Variants in HLCS observed in about 807,000 individuals in gnomAD.
HLCS encodes the protein holocarboxylase synthetase.
Under a neutral mutation model 75.0 loss-of-function variants are expected in HLCS, and 53 were observed. The ratio of observed to expected loss-of-function variants is 0.71; its 90% CI spans 0.57 to 0.89. HLCS has a LOEUF of 0.89. HLCS is among the 40% of genes least tolerant of loss of function. The pLI, the probability that HLCS is intolerant of heterozygous loss-of-function variation, is 0.00. For synonymous variants in HLCS, 431 were observed against 428.6 expected (o/e 1.01, Z -0.07); for missense variants, 966 against 1,074.0 (o/e 0.90, Z 1.41).
At chr21:36,858,689 G>A (rs976520582) in intron 6 of HLCS, among the ~76,000 whole-genome samples, 2 of 152,174 alleles carry the variant, frequency 1.3e-5, no homozygotes, top group Non-Finnish European at 1.5e-5. Context: ...GCAGTGAGGT[G>A]GTGGCTGCTG....
chr21:36,854,680 A>C (rs2063125718), intron 6 of HLCS, among the ~76,000 whole-genome samples: 1 of 152,016 alleles, frequency 6.6e-6, no homozygotes, highest in African/African-American at 2.4e-5. Flanking sequence ...TCAGAACTCT[A>C]TTTTTCTGGT....
intron 1 of HLCS, among the ~76,000 whole-genome samples, chr21:36,972,483 G>A (rs1392844992): frequency 1.3e-5 from 2 of 152,114 alleles, no homozygotes; most frequent in Non-Finnish European, 2.9e-5. Context: ...TTGACAGAAT[G>A]ACAATAAGTA....
chr21:36,800,999 T>C (rs1261998395), intron 6 of HLCS, among the ~76,000 whole-genome samples: 1 of 152,172 alleles, frequency 6.6e-6, no homozygotes, highest in Non-Finnish European at 1.5e-5. Flanking sequence ...GGCTGTGATA[T>C]GTAGCTGTGT....
intron 6 of HLCS, among the ~76,000 whole-genome samples, chr21:36,885,116 A>C (rs2064391703): frequency 6.6e-6 from 1 of 152,262 alleles, no homozygotes; most frequent in African/African-American, 2.4e-5. Context: ...AAGTTGGACT[A>C]AAATATTTTT....
intron 6 of HLCS, among the ~76,000 whole-genome samples, chr21:36,771,207 G>A (rs1459038277): frequency 7.2e-6 from 1 of 139,248 alleles, no homozygotes; most frequent in African/African-American, 3.0e-5. Context: ...GCGACAGAGC[G>A]AGACTCCGTC....
chr21:36,806,578 G>A (rs888192655), intron 6 of HLCS, among the ~76,000 whole-genome samples: 1 of 152,070 alleles, frequency 6.6e-6, no homozygotes, highest in Admixed American at 6.5e-5. Flanking sequence ...ATGAAGAAAT[G>A]GGCAGAAAAG....
intron 2 of HLCS, among the ~76,000 whole-genome samples, chr21:36,949,913 C>T (rs2067590523): frequency 6.6e-6 from 1 of 152,214 alleles, no homozygotes; most frequent in Non-Finnish European, 1.5e-5. Context: ...ACACAATGTG[C>T]AAAACTGCAT....
At chr21:36,883,832 T>C (rs1569143232) in intron 6 of HLCS, among the ~76,000 whole-genome samples, 1 of 152,284 alleles carries the variant, frequency 6.6e-6, no homozygotes, top group Admixed American at 6.5e-5. Context: ...CCGCAGACCA[T>C]GGCTGAACAA....
chr21:36,845,201 A>ACC (rs1158951427), intron 6 of HLCS, among the ~76,000 whole-genome samples: 1 of 152,028 alleles, frequency 6.6e-6, no homozygotes, highest in African/African-American at 2.4e-5. Flanking sequence ...ACGATGACTC[A>ACC]TTTTCCTTCC....
chr21:36,897,183 T>A (rs1390111741), intron 5 of HLCS, 52 bp from the exon 6 acceptor site: 7 of 1,595,850 alleles, frequency 4.4e-6, no homozygotes, highest in Middle Eastern at 1.7e-4. Flanking sequence ...TTACATTAGA[T>A]CATGGTAGCT....
intron 2 of HLCS, among the ~76,000 whole-genome samples, chr21:36,956,103 C>G (rs770051758): frequency 1.3e-5 from 2 of 152,180 alleles, no homozygotes; most frequent in Non-Finnish European, 2.9e-5. Context: ...TGTCGTGAAG[C>G]AACACATTAA....
At chr21:36,814,837 T>TC in intron 6 of HLCS, among the ~76,000 whole-genome samples, 1 of 152,282 alleles carries the variant, frequency 6.6e-6, no homozygotes, top group Non-Finnish European at 1.5e-5. Flanking sequence ...GGTTCAAAAT[T>TC]CGTTTCACTG....
chr21:36,881,183 T>C lies in HLCS; in HGVS notation c.1892+15677A>G, dbSNP rs144863855. Reference sequence around the variant, plus strand: ...TGGGGTTTCACCATGTTGGCCAGGATGGTCTCAAACTCCTGACCTCAAGTG... The same window carrying C: ...TGGGGTTTCACCATGTTGGCCAGGACGGTCTCAAACTCCTGACCTCAAGTG... On this transcript the variant is annotated intron_variant, in intron 6 of 10. Transcript: ENST00000674895. 1.3e-3 allele frequency among the ~76,000 whole-genome samples: 197 copies of C among 152,228 alleles called. 4 individuals are homozygous for C. In the East Asian group the frequency reaches 0.033, roughly 26 times the overall value.
rs942519682 is a variant in HLCS, at chr21:36,761,123, T to C, written c.2122-1282A>G. 2.0e-5 allele frequency among the ~76,000 whole-genome samples: 3 copies of C among 152,218 alleles called. No homozygotes were observed. In the East Asian group the frequency reaches 5.8e-4, roughly 29 times the overall value. On this transcript the variant is annotated intron_variant, in intron 8 of 10. Coordinates refer to ENST00000674895, the MANE Select transcript of HLCS (RefSeq NM_001352514.2). ...TTCTCAGCATTAGTCTACGTGTTAC[T>C]CACACCCAGCCTATGTGTTGGTGCT...
chr21:36,796,656 A>G (rs2061033884), intron 6 of HLCS, among the ~76,000 whole-genome samples: 1 of 152,168 alleles, frequency 6.6e-6, no homozygotes, highest in South Asian at 2.1e-4. Flanking sequence ...ACCAAACATT[A>G]TCGGGGCCAC....
At chr21:36,849,475 G>A (rs377763201) in intron 6 of HLCS, among the ~76,000 whole-genome samples, 12 of 152,336 alleles carry the variant, frequency 7.9e-5, no homozygotes, top group South Asian at 6.2e-4. Flanking sequence ...CTCCTTCTGC[G>A]GGTAGAAAAG....
Position 36,749,496 on chromosome 21 carries a change from G to A in HLCS, c.*4750C>T, listed in dbSNP as rs1345422695. 1.4e-5 allele frequency: 2 copies of A among 143,326 alleles called. No homozygotes were observed. Among genetic ancestry groups the A allele is most frequent in the Non-Finnish European group, 3.0e-5 (2 of 66,898 alleles). The allele number at this position is 143,326 out of a possible 1,614,324, so 8.9% of individuals were successfully genotyped here. ...ACCCTGTGTCACTTAGTGAGGACCT[G>A]ACACAATCCCTACAGGGTGTCTGTC... On this transcript the variant is annotated 3_prime_UTR_variant, in exon 11 of 11. Coordinates refer to ENST00000674895, the MANE Select transcript of HLCS (RefSeq NM_001352514.2).
intron 5 of HLCS, among the ~76,000 whole-genome samples, chr21:36,903,761 G>A (rs190056195): frequency 5.9e-5 from 9 of 152,308 alleles, no homozygotes; most frequent in Admixed American, 3.3e-4. Flanking sequence ...GGTAGAAAGA[G>A]AAGAGGAAGG....
chr21:36,866,623 A>G (rs1038079431), intron 6 of HLCS, among the ~76,000 whole-genome samples: 12 of 152,228 alleles, frequency 7.9e-5, no homozygotes, highest in Non-Finnish European at 1.5e-4. Flanking sequence ...CACAGGGATC[A>G]CATTCCTTCG....
Sources: gnomAD v4.1 joint callset for allele counts (sites outside exome capture counted in the v4.1 genomes callset) on GRCh38, gnomAD v4.1.1 for gene constraint, MANE v1.5 for transcripts, NCBI Gene and HGNC (gene_info 2026-07-23, HGNC 2026-07-21) for gene names.